KCND2: variants seen among roughly 807,000 people sequenced by gnomAD.
The protein encoded by KCND2 is A-type voltage-gated potassium channel KCND2.
A neutral mutation model predicts 54.4 loss-of-function variants in KCND2; 16 were observed. That is an observed-to-expected ratio of 0.29 (90% CI 0.20 to 0.45). KCND2 has a LOEUF of 0.45. KCND2 is among the 20% of genes least tolerant of loss of function. The pLI, the probability that KCND2 is intolerant of heterozygous loss-of-function variation, is 1.00. For missense variants in KCND2, 486 were observed against 824.2 expected, an observed-to-expected ratio of 0.59 and a Z score of 5.02; for synonymous variants, 317 against 310.7, an observed-to-expected ratio of 1.02 and a Z score of -0.21.
intron 1 of KCND2, among the ~76,000 whole-genome samples, chr7:120,677,558 T>TATAG (rs1554384992): frequency 3.7e-4 from 53 of 143,872 alleles, no homozygotes; most frequent in African/African-American, 1.2e-3. Flanking sequence ...GATATATAGA[T>TATAG]ATATAGATAT....
chr7:120,375,619 C>T (rs1368229448), intron 1 of KCND2, among the ~76,000 whole-genome samples: 1 of 151,694 alleles, frequency 6.6e-6, no homozygotes, highest in Non-Finnish European at 1.5e-5. Context: ...AGATATGGTT[C>T]TTCATTCTAT....
intron 1 of KCND2, among the ~76,000 whole-genome samples, chr7:120,323,450 C>T (rs1239599793): frequency 1.3e-5 from 2 of 150,106 alleles, no homozygotes; most frequent in African/African-American, 5.0e-5. Flanking sequence ...CCTCCCCACT[C>T]CCCCCACCCC....
rs574665909 is a variant in KCND2, at chr7:120,697,249, G to C, written c.1116-35654G>C. 7.1e-4 allele frequency among the ~76,000 whole-genome samples: 108 copies of C among 152,266 alleles called. 2 individuals are homozygous for C. The highest frequency in any genetic ancestry group is 2.4e-3 in the African/African-American group (101 of 41,556). ...TTTTATACTGCAACCAATAATTTTTGCATTACTTAACTAAGTATCTTTCCA... is the reference window on the plus strand; with the variant it reads ...TTTTATACTGCAACCAATAATTTTTCCATTACTTAACTAAGTATCTTTCCA... On this transcript the variant is annotated intron_variant, in intron 1 of 5. Coordinates refer to ENST00000331113, the MANE Select transcript of KCND2 (RefSeq NM_012281.3).
At position 120,703,596 on chromosome 7, in the gene KCND2, T is replaced by A. The variant is rs1046020197; in HGVS notation, c.1116-29307T>A. On this transcript the variant is annotated intron_variant, in intron 1 of 5. Transcript: ENST00000331113. ...CTGTAACATTCAGAAGAACAGTTAT[T>A]ACACAGCACTAGAACCTGAATTGGG... Among the ~76,000 whole-genome samples the A allele has an allele frequency of 3.9e-5, 6 of 152,294 alleles. 1 individual carries two copies. The highest frequency in any genetic ancestry group is 6.8e-3 in the Middle Eastern group (2 of 294).
At chr7:120,327,279 A>G (rs1213532465) in intron 1 of KCND2, among the ~76,000 whole-genome samples, 1 of 152,128 alleles carries the variant, frequency 6.6e-6, no homozygotes, top group Non-Finnish European at 1.5e-5. Flanking sequence ...CAGGATGTAC[A>G]TTAAACCTTT....
In KCND2 at chr7:120,736,812, C is replaced by CA. The variant is rs554478652; in HGVS notation, c.1278+3754dup. 6.7e-4 allele frequency among the ~76,000 whole-genome samples: 101 copies of CA among 151,122 alleles called. 3 individuals carry two copies. The highest frequency in any genetic ancestry group is 3.4e-3 in the Middle Eastern group (1 of 292). On this transcript the variant is annotated intron_variant, in intron 2 of 5. Transcript: ENST00000331113. Reference sequence around the variant, plus strand: ...CAAACCTAGTGATTAAAGTCCAAGGCAAAAAAATTCTAGTATTATTTGAAC... The same window carrying CA: ...CAAACCTAGTGATTAAAGTCCAAGGCAAAAAAAATTCTAGTATTATTTGAAC...
intron 1 of KCND2, among the ~76,000 whole-genome samples, chr7:120,588,442 T>TG (rs1792628393): frequency 4.6e-5 from 7 of 151,182 alleles, no homozygotes; most frequent in South Asian, 2.1e-4. Flanking sequence ...TGTGTGTGTG[T>TG]TTCCTTGAGT....
chr7:120,660,935 G>T (rs1253192983), intron 1 of KCND2, among the ~76,000 whole-genome samples: 1 of 152,150 alleles, frequency 6.6e-6, no homozygotes, highest in Non-Finnish European at 1.5e-5. Flanking sequence ...TTTTTCAAAT[G>T]ATGTGTAGAT....
intron 1 of KCND2, among the ~76,000 whole-genome samples, chr7:120,556,939 T>C (rs1792173274): frequency 1.3e-5 from 2 of 152,196 alleles, no homozygotes. Flanking sequence ...CACTAATGTT[T>C]CACAAATGTT....
chr7:120,305,805 G>A (rs1454648870), intron 1 of KCND2, among the ~76,000 whole-genome samples: 1 of 152,128 alleles, frequency 6.6e-6, no homozygotes, highest in Non-Finnish European at 1.5e-5. Flanking sequence ...CTTAGCAACA[G>A]ACTTCATTAT....
chr7:120,595,175 G>T (rs1180476106), intron 1 of KCND2, among the ~76,000 whole-genome samples: 1 of 151,934 alleles, frequency 6.6e-6, no homozygotes, highest in Non-Finnish European at 1.5e-5. Flanking sequence ...TGTAGGCCGG[G>T]TGTGGTGGCT....
intron 1 of KCND2, among the ~76,000 whole-genome samples, chr7:120,634,032 T>C (rs1423714991): frequency 6.6e-6 from 1 of 152,200 alleles, no homozygotes; most frequent in African/African-American, 2.4e-5. Flanking sequence ...TCAAAAGTTC[T>C]AATCACTAGC....
chr7:120,619,882 C>G (rs1464950752), intron 1 of KCND2, among the ~76,000 whole-genome samples: 1 of 152,088 alleles, frequency 6.6e-6, no homozygotes, highest in East Asian at 1.9e-4. Context: ...TTATAAACTT[C>G]TAAAACAAAA....
At chr7:120,315,674 T>C (rs752430695) in intron 1 of KCND2, among the ~76,000 whole-genome samples, 1 of 152,062 alleles carries the variant, frequency 6.6e-6, no homozygotes, top group Non-Finnish European at 1.5e-5. Context: ...TCTATCAGCA[T>C]ACTGTAAATT....
chr7:120,599,647 A>G (rs1792789828), intron 1 of KCND2, among the ~76,000 whole-genome samples: 1 of 152,088 alleles, frequency 6.6e-6, no homozygotes, highest in Admixed American at 6.6e-5. Context: ...CAAAAATAAA[A>G]TTAATAATTT....
rs141159024 is a variant in KCND2, at chr7:120,358,779, G to T, written c.1115+83032G>T. 9.1e-3 allele frequency among the ~76,000 whole-genome samples: 1,384 copies of T among 152,228 alleles called. 28 individuals carry two copies. Among genetic ancestry groups the T allele is most frequent in the African/African-American group, 0.031 (1,304 of 41,570 alleles). On this transcript the variant is annotated intron_variant, in intron 1 of 5. Transcript: ENST00000331113. ...GTAACCAGTGAATTTCGAACTATGT[G>T]CAGGCTGTACTCTTCTGTAAAGTAT...
At chr7:120,618,059 A>T (rs1177211425) in intron 1 of KCND2, among the ~76,000 whole-genome samples, 1 of 152,180 alleles carries the variant, frequency 6.6e-6, no homozygotes, top group Admixed American at 6.5e-5. Flanking sequence ...CCTATTGAGT[A>T]CTATGCCGAA....
chr7:120,657,786 T>C (rs1051174394), intron 1 of KCND2, among the ~76,000 whole-genome samples: 1 of 152,094 alleles, frequency 6.6e-6, no homozygotes, highest in African/African-American at 2.4e-5. Context: ...AGGTCGAGGC[T>C]GCAGTGAGTT....
At chr7:120,619,169 T>C (rs1329310406) in intron 1 of KCND2, among the ~76,000 whole-genome samples, 1 of 152,222 alleles carries the variant, frequency 6.6e-6, no homozygotes, top group Non-Finnish European at 1.5e-5. Flanking sequence ...CGGTGGCTCA[T>C]ACCTGTAATT....
Sources: gnomAD v4.1 joint callset for allele counts (sites outside exome capture counted in the v4.1 genomes callset) on GRCh38, gnomAD v4.1.1 for gene constraint, MANE v1.5 for transcripts, NCBI Gene and HGNC (gene_info 2026-07-23, HGNC 2026-07-21) for gene names.